MYO18A: variants seen among roughly 807,000 people sequenced by gnomAD.
The protein encoded by MYO18A is myosin XVIIIA.
In MYO18A, 78 loss-of-function variants were observed where a neutral mutation model predicts 235.8. The observed-to-expected ratio is 0.33, with a 90% confidence interval of 0.28 to 0.40. MYO18A has a LOEUF of 0.40. Among genes scored for constraint, MYO18A ranks in the 10% least tolerant of loss-of-function variants. The pLI, the probability that MYO18A is intolerant of heterozygous loss-of-function variation, is 1.00. For missense variants in MYO18A, 2,215 were observed against 2,699.3 expected (o/e 0.82, Z 3.98); for synonymous variants, 977 against 1,077.8 (o/e 0.91, Z 1.83).
At chr17:29,113,749 C>T (rs72815799) in intron 15 of MYO18A, among the ~76,000 whole-genome samples, 20,506 of 152,258 alleles carry the variant, frequency 0.13, 1,642 homozygotes, top group East Asian at 0.29. Context: ...TGCTTTCCTG[C>T]CTGACTGGGA....
At chr17:29,085,760 C>T in intron 39 of MYO18A, 112 bp from the exon 40 acceptor site, 11 of 1,077,794 alleles carry the variant, frequency 1.0e-5, no homozygotes, top group Non-Finnish European at 1.4e-5. Context: ...CAGCAAGAGC[C>T]AGCTCTGGCT....
intron 10 of MYO18A, among the ~76,000 whole-genome samples, 158 bp from the exon 11 acceptor site, chr17:29,116,613 G>GCGCACACACACACACACACACA (rs1555532996): frequency 2.1e-5 from 3 of 144,928 alleles, no homozygotes; most frequent in South Asian, 2.2e-4. Flanking sequence ...TGGGACAAAC[G>GCGCACACACACACACACACACA]CACACACACA....
rs1356429202 is a variant in MYO18A at position 29,118,053 on chromosome 17, G to A, written c.2030C>T (p.Ala677Val). The A allele has an allele frequency of 1.3e-6, 2 of 1,581,774 alleles. No individual in the cohort carries two copies. Among genetic ancestry groups the A allele is most frequent in the Non-Finnish European group, 1.7e-6 (2 of 1,164,014 alleles). Residue 677 changes from alanine to valine, a missense_variant, in exon 10 of 42, where the codon GCC (alanine) becomes GTC (valine). Physicochemically the swap from Ala to Val is moderately conservative, Grantham distance 64. Transcript: ENST00000527372. This position sits in a 1 kb window ranked among gnomAD's most constrained non-coding sequence, Gnocchi z 4.2. ...AAIYHLGAAGATKEAAEAGRK... is the reference protein window; with the variant it reads ...AAIYHLGAAGVTKEAAEAGRK... ...GACCCACTGCAGGTTACCTTTGGTG[G>A]CTCCCGCAGCCCCCAGGTGGTAGAT... is the stretch of plus-strand genomic sequence containing the variant.
chr17:29,092,501 C>G, intron 33 of MYO18A, 45 bp from the exon 34 acceptor site: 1 of 1,507,508 alleles, frequency 6.6e-7, no homozygotes, highest in African/African-American at 1.4e-5. Context: ...GTCAGCCATT[C>G]CTTGGGGGCA....
chr17:29,156,053 C>T (rs1243333816), intron 2 of MYO18A, among the ~76,000 whole-genome samples: 1 of 152,170 alleles, frequency 6.6e-6, no homozygotes, highest in African/African-American at 2.4e-5. Context: ...GCCTTAGCAC[C>T]CACTCTCTCC....
chr17:29,142,311 A>C (rs1021852912), intron 2 of MYO18A, among the ~76,000 whole-genome samples: 3 of 152,256 alleles, frequency 2.0e-5, no homozygotes, highest in African/African-American at 7.2e-5. Flanking sequence ...CAAGACTCTA[A>C]GGCCAGCATA....
In MYO18A at chr17:29,122,215, C is replaced by T; in HGVS notation, c.1038G>A (p.Trp346Ter). 1 of 1,613,584 alleles carries T rather than the reference C, an allele frequency of 6.2e-7. No individual in the cohort carries two copies. The highest frequency in any genetic ancestry group is 8.5e-7 in the Non-Finnish European group (1 of 1,179,736). The stretch of plus-strand genomic sequence containing the variant: ...CCAGCCACACCTTCTCCGTCTCATT[C>T]CAGGCCTCTTCTGCTGCAATCTGTT... ...TEEQIAAEEA[W>*]NETEKVWLVH... The change falls in exon 3 of 42, where the codon TGG (tryptophan) becomes TGA (stop). Residue 346 changes from tryptophan to a stop codon, truncating the protein, a stop_gained. Coordinates refer to ENST00000527372, the MANE Select transcript of MYO18A (RefSeq NM_078471.4). LOFTEE classifies it high-confidence loss of function.
chr17:29,087,854 G>C (rs992288058), intron 37 of MYO18A, among the ~76,000 whole-genome samples: 2 of 151,780 alleles, frequency 1.3e-5, no homozygotes, highest in Middle Eastern at 3.2e-3. Flanking sequence ...CTGAGGGGTA[G>C]AGGTGCGGGA....
intron 28 of MYO18A, among the ~76,000 whole-genome samples, chr17:29,095,586 A>G (rs921792632): frequency 2.0e-5 from 3 of 152,260 alleles, no homozygotes; most frequent in African/African-American, 7.2e-5. Flanking sequence ...TACTGGGTTC[A>G]GAGCTGGCAT....
rs752456568 is a variant in MYO18A at position 29,140,021 on chromosome 17, C to T, written c.1000-17768G>A. Among the ~76,000 whole-genome samples, 77 of 152,224 alleles carry T rather than the reference C, an allele frequency of 5.1e-4. No homozygotes were observed. The highest frequency in any genetic ancestry group is 8.4e-4 in the Non-Finnish European group (57 of 67,990). On this transcript the variant is annotated intron_variant, in intron 2 of 41. Coordinates refer to ENST00000527372, the MANE Select transcript of MYO18A (RefSeq NM_078471.4). This position sits in a 1 kb window ranked among gnomAD's most constrained non-coding sequence, Gnocchi z 4.2. ...AAGCACTAATGGTTGGTGGGGAAGG[C>T]GTGTCACAGCCTTGGGGGTGGATGC... is the stretch of plus-strand genomic sequence containing the variant.
At chr17:29,165,724 G>T (rs1057022115) in intron 2 of MYO18A, among the ~76,000 whole-genome samples, 2 of 152,188 alleles carry the variant, frequency 1.3e-5, no homozygotes, top group South Asian at 2.1e-4. Flanking sequence ...CCTGGTGGGG[G>T]TGCTGTTTGT....
intron 1 of MYO18A, chr17:29,176,547 CGGCCTCTCTCCCTT>C (rs1276668971): frequency 6.6e-6 from 1 of 151,798 alleles, no homozygotes; most frequent in East Asian, 1.9e-4. Context: ...CCGAGAGAGC[CGGCCTCTCTCCCTT>C]GGCCTCTGAC....
rs1047595133 is a variant in MYO18A, at chr17:29,074,547, G to A, written c.*223C>T. Reference sequence around the variant, plus strand: ...AAGAGTCTGGCATTTTGAGACAGAGGAGCAAAAAGTTCTCTTCAGAAACTC... The same window carrying A: ...AAGAGTCTGGCATTTTGAGACAGAGAAGCAAAAAGTTCTCTTCAGAAACTC... On this transcript the variant is annotated 3_prime_UTR_variant, in exon 42 of 42. Coordinates refer to ENST00000527372, the MANE Select transcript of MYO18A (RefSeq NM_078471.4). This position sits in a 1 kb window ranked among gnomAD's most constrained non-coding sequence, Gnocchi z 4.4. 4 of 597,558 alleles carry A rather than the reference G, an allele frequency of 6.7e-6. No individual in the cohort carries two copies. Among genetic ancestry groups the A allele is most frequent in the African/African-American group, 3.7e-5 (2 of 53,722 alleles). The allele number at this position is 597,558 out of a possible 1,614,324, so 37.0% of individuals were successfully genotyped here.
At chr17:29,107,272 G>A in intron 19 of MYO18A, 83 bp from the exon 20 acceptor site, 2 of 1,337,390 alleles carry the variant, frequency 1.5e-6, no homozygotes, top group Non-Finnish European at 2.1e-6. Context: ...TGGGCAGTCA[G>A]TGGAGAGTCA....
chr17:29,150,948 C>G (rs377587101), intron 2 of MYO18A, among the ~76,000 whole-genome samples: 12 of 152,186 alleles, frequency 7.9e-5, no homozygotes, highest in African/African-American at 2.4e-4. Context: ...TTCAGCTCAT[C>G]TGGGGAGGAG....
At chr17:29,105,063 T>C (rs766277976) in intron 20 of MYO18A, among the ~76,000 whole-genome samples, 1 of 150,416 alleles carries the variant, frequency 6.6e-6, no homozygotes, top group Non-Finnish European at 1.5e-5. Flanking sequence ...TCCCAGCTAC[T>C]TGGGAGGCTG....
intron 2 of MYO18A, among the ~76,000 whole-genome samples, chr17:29,144,650 T>C (rs1483914675): frequency 6.6e-6 from 1 of 152,246 alleles, no homozygotes; most frequent in Non-Finnish European, 1.5e-5. Flanking sequence ...GCAGTACATG[T>C]AAAGCAACTG....
chr17:29,126,996 C>T lies in MYO18A; in HGVS notation c.1000-4743G>A, dbSNP rs910071686. Among the ~76,000 whole-genome samples the T allele has an allele frequency of 2.6e-5, 4 of 152,216 alleles. No homozygotes were observed. Among genetic ancestry groups the T allele is most frequent in the Non-Finnish European group, 5.9e-5 (4 of 68,040 alleles). ...TCATGCTGGCCAGGCCTAAAGAAGG[C>T]AGTGATGGCAGTGAGGGCATCAATA... On this transcript the variant is annotated intron_variant, in intron 2 of 41. Transcript: ENST00000527372. This position sits in a 1 kb window ranked among gnomAD's most constrained non-coding sequence, Gnocchi z 4.1.
chr17:29,122,353 G>T, intron 2 of MYO18A, 100 bp from the exon 3 acceptor site: 1 of 1,049,088 alleles, frequency 9.5e-7, no homozygotes, highest in Non-Finnish European at 1.4e-6. Flanking sequence ...TTTGAGACAA[G>T]CCACTGGGCA....
Sources: gnomAD v4.1 joint callset for allele counts (sites outside exome capture counted in the v4.1 genomes callset) on GRCh38, gnomAD v4.1.1 for gene constraint, Gnocchi (gnomAD v3.1) non-coding constraint, MANE v1.5 for transcripts, NCBI Gene and HGNC (gene_info 2026-07-23, HGNC 2026-07-21) for gene names.